Variants in TLK1 observed in about 807,000 individuals in gnomAD.
TLK1 encodes tousled like kinase 1.
TLK1 carries 24 observed loss-of-function variants against 105.3 expected under a neutral mutation model. The ratio of observed to expected loss-of-function variants is 0.23; its 90% confidence interval spans 0.17 to 0.32. The LOEUF is 0.32. Ranked by LOEUF, TLK1 falls within the 10% of genes least tolerant of loss-of-function variation. TLK1 has a pLI of 1.00. For missense variants in TLK1, 558 were observed against 910.5 expected, an observed-to-expected ratio of 0.61 and a Z score of 4.98; for synonymous variants, 321 against 310.4, an observed-to-expected ratio of 1.03 and a Z score of -0.36.
intron 2 of TLK1, among the ~76,000 whole-genome samples, chr2:171,097,374 A>C (rs1018795797): frequency 6.6e-6 from 1 of 152,220 alleles, no homozygotes; most frequent in African/African-American, 2.4e-5. Flanking sequence ...AAATATTAGA[A>C]GAAAACACAG....
At chr2:171,217,105 A>C in intron 1 of TLK1, among the ~76,000 whole-genome samples, 1 of 152,230 alleles carries the variant, frequency 6.6e-6, no homozygotes, top group East Asian at 1.9e-4. Flanking sequence ...GCAGTGCCAC[A>C]GAACAGGAGT....
intron 15 of TLK1, 36 bp from the exon 16 acceptor site, chr2:171,006,925 T>C (rs1387446507): frequency 1.2e-6 from 2 of 1,603,870 alleles, no homozygotes; most frequent in Non-Finnish European, 8.5e-7. Flanking sequence ...TCCATGATCA[T>C]TCAAAAAATA....
intron 18 of TLK1, among the ~76,000 whole-genome samples, chr2:171,005,027 G>A (rs1245003598): frequency 5.3e-5 from 8 of 152,222 alleles, no homozygotes; most frequent in Admixed American, 5.2e-4. Flanking sequence ...GGCATCGTGT[G>A]TAAGTGGTTA....
chr2:171,011,559 A>T, intron 13 of TLK1, 105 bp from the exon 14 acceptor site: 1 of 889,506 alleles, frequency 1.1e-6, no homozygotes, highest in Non-Finnish European at 1.7e-6. Context: ...TTTATTTCTC[A>T]GTTACTCCAC....
At chr2:171,209,680 T>C (rs1168819231) in intron 1 of TLK1, among the ~76,000 whole-genome samples, 1 of 152,166 alleles carries the variant, frequency 6.6e-6, no homozygotes, top group Non-Finnish European at 1.5e-5. Context: ...GTGAGGTCAT[T>C]AGGTGAGCCC....
chr2:171,194,301 G>T (rs983879073), intron 1 of TLK1, among the ~76,000 whole-genome samples: 8 of 152,154 alleles, frequency 5.3e-5, no homozygotes, highest in Admixed American at 2.6e-4. Flanking sequence ...CTTCAATGGG[G>T]CCTGTAATTC....
chr2:171,046,698 G>T (rs922116461), intron 10 of TLK1, among the ~76,000 whole-genome samples: 2 of 152,138 alleles, frequency 1.3e-5, no homozygotes, highest in Non-Finnish European at 2.9e-5. Flanking sequence ...CACTCCCTAA[G>T]AACACAGATG....
At chr2:171,022,347 C>G (rs1395471059) in intron 12 of TLK1, among the ~76,000 whole-genome samples, 5 of 152,044 alleles carry the variant, frequency 3.3e-5, no homozygotes, top group African/African-American at 7.3e-5. Context: ...GACAACTACT[C>G]ATTTTTAAAT....
intron 1 of TLK1, among the ~76,000 whole-genome samples, chr2:171,142,737 CAG>C (rs1691632439): frequency 6.6e-6 from 1 of 152,140 alleles, no homozygotes; most frequent in African/African-American, 2.4e-5. Context: ...AAATCTGAAA[CAG>C]AAACAAACTT....
At chr2:171,230,823 A>G (rs2105335655) in intron 1 of TLK1, among the ~76,000 whole-genome samples, 1 of 152,336 alleles carries the variant, frequency 6.6e-6, no homozygotes, top group South Asian at 2.1e-4. Flanking sequence ...CCAAGACGCT[A>G]GCAACTCTTT....
chr2:171,023,239 T>C (rs1272357462), intron 12 of TLK1: 2 of 466,160 alleles, frequency 4.3e-6, no homozygotes, highest in South Asian at 1.6e-5. Flanking sequence ...TTTGTTTTAG[T>C]AGAGATTGAG....
intron 2 of TLK1, among the ~76,000 whole-genome samples, chr2:171,083,515 C>CT (rs1688839281): frequency 6.6e-6 from 1 of 152,066 alleles, no homozygotes; most frequent in African/African-American, 2.4e-5. Flanking sequence ...ATCTTGTGCA[C>CT]TTTTTTGTAC....
chr2:171,208,262 A>G (rs1054640998), intron 1 of TLK1, among the ~76,000 whole-genome samples: 6 of 152,206 alleles, frequency 3.9e-5, no homozygotes, highest in Non-Finnish European at 8.8e-5. Flanking sequence ...TGCTATTTTT[A>G]AATTGTAAGT....
At position 171,006,271 on chromosome 2, in the gene TLK1, G is replaced by A; in HGVS notation, c.1780C>T (p.Leu594=). The change falls in exon 18 of 21, where the codon CTG becomes TTG. Residue 594 remains leucine, a synonymous_variant. Transcript: ENST00000431350. ...HYDLKPGNIL[L]VDGTACGEIK... is the part of the protein sequence containing the mutation. ...TCACCACATGCTGTTCCATCTACCA[G>A]TAGGATGTTTCCTAAGAATAAAATA... The A allele has an allele frequency of 1.3e-6, 2 of 1,593,190 alleles. No homozygotes were observed. The highest frequency in any genetic ancestry group is 8.5e-7 in the Non-Finnish European group (1 of 1,174,002).
In TLK1 at chr2:170,993,673, A is replaced by T. The variant is rs1683895544; in HGVS notation, c.*107T>A. ...GTTCTTAACCACGTCTTGTGTAAAA[A>T]AAAAAAAAAAAAAAAAAGAAAAAGA... On this transcript the variant is annotated 3_prime_UTR_variant, in exon 21 of 21. Transcript: ENST00000431350. 5 of 541,080 alleles carry T rather than the reference A, an allele frequency of 9.2e-6. No homozygotes were observed. The highest frequency in any genetic ancestry group is 6.4e-5 in the African/African-American group (2 of 31,352). The allele number at this position is 541,080 out of a possible 1,614,324, so 33.5% of individuals were successfully genotyped here. A position where few individuals can be genotyped will look rare whatever the true frequency, so the allele number is the denominator to read the frequency against.
rs1692769768 is a variant in TLK1, at chr2:171,173,688, GC to G, written c.-5-55832del. ...TTATAGGTGTGAGCCATCACATCTG[GC>G]CCAATGATGACTCTTTAATTTGTTT... On this transcript the variant is annotated intron_variant, in intron 1 of 20. Transcript: ENST00000521943. Among the ~76,000 whole-genome samples the G allele has an allele frequency of 1.3e-5, 2 of 152,052 alleles. 1 individual carries two copies. The highest frequency in any genetic ancestry group is 4.1e-4 in the South Asian group (2 of 4,822).
chr2:171,044,955 G>A lies in TLK1; in HGVS notation c.1169+1219C>T, dbSNP rs1432497518. On this transcript the variant is annotated intron_variant, in intron 11 of 20. Coordinates refer to ENST00000431350, the MANE Select transcript of TLK1 (RefSeq NM_012290.5). Reference sequence around the variant, plus strand: ...TGGAAGACAAGGCAGAAGAGACTACGAGGACAGGCAACTCTTTGAAGAAGC... The same window carrying A: ...TGGAAGACAAGGCAGAAGAGACTACAAGGACAGGCAACTCTTTGAAGAAGC... Among the ~76,000 whole-genome samples, 6 of 152,274 alleles carry A rather than the reference G, an allele frequency of 3.9e-5. No individual in the cohort carries two copies. In the South Asian group the frequency reaches 6.2e-4, roughly 16 times the overall value.
At position 171,117,865 on chromosome 2, in the gene TLK1, G is replaced by GA. The variant is rs758541889; in HGVS notation, c.140-9dup. The GA allele has an allele frequency of 3.4e-4, 531 of 1,556,670 alleles. No individual in the cohort carries two copies. Among genetic ancestry groups the GA allele is most frequent in the Non-Finnish European group, 3.5e-4 (402 of 1,149,416 alleles). On this transcript the variant is annotated splice_polypyrimidine_tract_variant and intron_variant, in intron 1 of 20. Coordinates refer to ENST00000431350, the MANE Select transcript of TLK1 (RefSeq NM_012290.5). ...GAAGCTCATCCATTGCACCTATTAA[G>GA]AAAAAAAAATATATATGTACACATA...
chr2:171,151,470 C>CTTTTTT (rs55670860), intron 1 of TLK1, among the ~76,000 whole-genome samples: 7 of 124,242 alleles, frequency 5.6e-5, no homozygotes, highest in Non-Finnish European at 6.6e-5. Flanking sequence ...ATATGTGTAT[C>CTTTTTT]TTTTTTTTTT....
Sources: allele counts gnomAD v4.1 joint callset (sites outside exome capture counted in the v4.1 genomes callset), GRCh38; gene constraint gnomAD v4.1.1; transcripts MANE v1.5; gene names NCBI Gene and HGNC (gene_info 2026-07-23, HGNC 2026-07-21).